The following ZBTB7C variants were observed in gnomAD, a reference collection of about 807,000 sequenced individuals.
ZBTB7C encodes the protein zinc finger and BTB domain containing 7C, also known as zinc finger and BTB domain-containing protein 7C.
A neutral mutation model predicts 25.7 loss-of-function variants in ZBTB7C; 8 were observed. The observed-to-expected ratio is 0.31, with a 90% CI of 0.18 to 0.56. The LOEUF (loss-of-function observed/expected upper bound fraction) is 0.56, where lower values mean the gene tolerates loss of function less well. ZBTB7C is among the 20% of genes least tolerant of loss of function. The probability of loss-of-function intolerance (pLI) is 0.91; values close to 1 mark genes in which losing one functional copy is unlikely to be tolerated. For missense variants in ZBTB7C, 824 were observed against 855.2 expected (o/e 0.96, Z 0.46); for synonymous variants, 394 against 369.0 (o/e 1.07, Z -0.78).
intron 3 of ZBTB7C, among the ~76,000 whole-genome samples, chr18:48,153,623 A>G (rs2040744694): frequency 6.6e-6 from 1 of 152,238 alleles, no homozygotes; most frequent in South Asian, 2.1e-4. Context: ...TTGATGAATG[A>G]TCCAAAAATA....
chr18:48,196,833 A>G (rs959551186), intron 2 of ZBTB7C, among the ~76,000 whole-genome samples: 2 of 152,230 alleles, frequency 1.3e-5, no homozygotes, highest in Non-Finnish European at 2.9e-5. Context: ...TCATGAAGAG[A>G]AGAAGGAAAA....
intron 2 of ZBTB7C, among the ~76,000 whole-genome samples, chr18:48,331,034 A>G (rs571276986): frequency 6.6e-6 from 1 of 152,248 alleles, no homozygotes; most frequent in East Asian, 1.9e-4. Flanking sequence ...ACACCACCCC[A>G]GCCAAGAGTG....
intron 1 of ZBTB7C, among the ~76,000 whole-genome samples, chr18:48,389,224 CTCTCTCTCTCTCGT>C (rs1457239275): frequency 7.5e-4 from 93 of 124,328 alleles, no homozygotes; most frequent in East Asian, 5.5e-3. Flanking sequence ...CTCTCTCTCT[CTCTCTCTCTCTCGT>C]GTGTGTGTGT....
intron 3 of ZBTB7C, among the ~76,000 whole-genome samples, chr18:48,122,547 C>A (rs748717393): frequency 1.2e-4 from 19 of 152,294 alleles, no homozygotes; most frequent in Admixed American, 3.3e-4. Context: ...GCAGCCAATT[C>A]TTCTGAGAAG....
chr18:48,133,975 G>A (rs189620517), intron 3 of ZBTB7C, among the ~76,000 whole-genome samples: 3 of 152,248 alleles, frequency 2.0e-5, no homozygotes, highest in Admixed American at 2.0e-4. Flanking sequence ...ATAGCCAGCT[G>A]GGTGCTCACG....
At chr18:48,242,003 C>T (rs192267545) in intron 2 of ZBTB7C, among the ~76,000 whole-genome samples, 14 of 152,064 alleles carry the variant, frequency 9.2e-5, no homozygotes, top group East Asian at 1.9e-4. Flanking sequence ...CAATTAGAAA[C>T]GAAACAGGAG....
At chr18:48,383,235 GA>G (rs2047672602) in intron 1 of ZBTB7C, among the ~76,000 whole-genome samples, 1 of 152,052 alleles carries the variant, frequency 6.6e-6, no homozygotes, top group African/African-American at 2.4e-5. Flanking sequence ...ACTTTTGTAG[GA>G]AACTAATTCA....
intron 3 of ZBTB7C, among the ~76,000 whole-genome samples, chr18:48,053,478 T>C (rs2144264496): frequency 6.6e-6 from 1 of 152,322 alleles, no homozygotes; most frequent in South Asian, 2.1e-4. Flanking sequence ...TAGGTACCAG[T>C]CGCTGTCCTA....
chr18:48,053,493 T>C (rs988465146), intron 3 of ZBTB7C, among the ~76,000 whole-genome samples: 1 of 152,176 alleles, frequency 6.6e-6, no homozygotes, highest in African/African-American at 2.4e-5. Flanking sequence ...GTCCTAAATA[T>C]TTTACATTTA....
chr18:48,093,567 T>C (rs1185806201), intron 3 of ZBTB7C, among the ~76,000 whole-genome samples: 1 of 151,844 alleles, frequency 6.6e-6, no homozygotes, highest in Non-Finnish European at 1.5e-5. Flanking sequence ...GCTATGTAAG[T>C]GACTGCCTAT....
chr18:48,211,356 G>T (rs1049389975), intron 2 of ZBTB7C, among the ~76,000 whole-genome samples: 4 of 152,086 alleles, frequency 2.6e-5, no homozygotes, highest in Admixed American at 6.5e-5. Context: ...TCATTAAAAT[G>T]AAAATCTTCT....
At chr18:48,076,850 A>G (rs4939719) in intron 3 of ZBTB7C, 72,457 of 781,044 alleles carry the variant, frequency 0.093, 3,502 homozygotes, top group South Asian at 0.11. Flanking sequence ...GAATGTAGTC[A>G]TTATGCCCTG....
intron 2 of ZBTB7C, among the ~76,000 whole-genome samples, chr18:48,320,585 A>G (rs903893052): frequency 1.3e-5 from 2 of 152,188 alleles, no homozygotes; most frequent in Non-Finnish European, 2.9e-5. Context: ...TATCATGATG[A>G]CACAGCTGCT....
intron 3 of ZBTB7C, chr18:48,165,123 A>G (rs1193293101): frequency 7.8e-7 from 1 of 1,289,400 alleles, no homozygotes; most frequent in Non-Finnish European, 1.0e-6. Context: ...CATTACAGGG[A>G]CACTCACCAA....
chr18:48,041,924 A>C (rs1288469836), intron 3 of ZBTB7C, among the ~76,000 whole-genome samples: 1 of 152,232 alleles, frequency 6.6e-6, no homozygotes, highest in Non-Finnish European at 1.5e-5. Context: ...CCTCATGAAA[A>C]TATCAACCCC....
At chr18:48,320,844 T>C (rs1028759960) in intron 2 of ZBTB7C, among the ~76,000 whole-genome samples, 1 of 152,198 alleles carries the variant, frequency 6.6e-6, no homozygotes, top group Admixed American at 6.5e-5. Flanking sequence ...ACAGCCAGCC[T>C]GACCAGAAAC....
chr18:48,158,589 G>A (rs1057266989), intron 3 of ZBTB7C, among the ~76,000 whole-genome samples: 20 of 152,196 alleles, frequency 1.3e-4, no homozygotes, highest in Middle Eastern at 3.4e-3. Flanking sequence ...AGCATTCTGG[G>A]GCCAGAGCTG....
chr18:48,397,761 T>C (rs895891924), intron 1 of ZBTB7C, among the ~76,000 whole-genome samples: 1 of 152,220 alleles, frequency 6.6e-6, no homozygotes, highest in African/African-American at 2.4e-5. Context: ...ATTTAGCTCT[T>C]CAGCATAAGC....
At chr18:48,091,528 G>C (rs770276107) in intron 3 of ZBTB7C, among the ~76,000 whole-genome samples, 1 of 152,156 alleles carries the variant, frequency 6.6e-6, no homozygotes, top group African/African-American at 2.4e-5. Flanking sequence ...TCTACAGGCA[G>C]CTCATGGTTA....
Sources: allele counts gnomAD v4.1 joint callset (sites outside exome capture counted in the v4.1 genomes callset), GRCh38; gene constraint gnomAD v4.1.1; transcripts MANE v1.5; gene names NCBI Gene and HGNC (gene_info 2026-07-23, HGNC 2026-07-21).